TEX11: variants seen among roughly 807,000 people sequenced by gnomAD.
TEX11 encodes the protein testis-expressed protein 11.
TEX11 carries 7 observed loss-of-function variants against 84.4 expected under a neutral mutation model. The observed-to-expected ratio is 0.08, with a 90% CI of 0.05 to 0.16. TEX11 has a LOEUF of 0.16. Among genes scored for constraint, TEX11 ranks in the 10% least tolerant of loss-of-function variants. The pLI is 1.00. For missense variants in TEX11, 551 were observed against 660.5 expected, an observed-to-expected ratio of 0.83 and a Z score of 1.82; for synonymous variants, 264 against 222.8, an observed-to-expected ratio of 1.18 and a Z score of -1.64.
intron 4 of TEX11, among the ~76,000 whole-genome samples, chrX:70,866,549 G>A (rs2091600330): frequency 9.0e-6 from 1 of 111,582 alleles, no homozygotes; most frequent in African/African-American, 3.3e-5. Context: ...GATTTTATGA[G>A]GCCAGCATCA....
intron 24 of TEX11, among the ~76,000 whole-genome samples, chrX:70,597,539 A>G (rs1388825033): frequency 8.9e-6 from 1 of 112,088 alleles, no homozygotes; most frequent in Admixed American, 9.5e-5. Context: ...TCTTCAACAA[A>G]TAGTACTAGG....
chrX:70,840,167 C>T (rs1186678330), intron 7 of TEX11, among the ~76,000 whole-genome samples: 4 of 111,227 alleles, frequency 3.6e-5, no homozygotes, highest in Non-Finnish European at 7.5e-5. Context: ...AAGTCCAAGA[C>T]ACATAATTGT....
intron 8 of TEX11, among the ~76,000 whole-genome samples, chrX:70,807,153 T>G (rs973918904): frequency 1.8e-5 from 2 of 112,138 alleles, no homozygotes; most frequent in Non-Finnish European, 3.8e-5. Flanking sequence ...AAAACCCTGC[T>G]TTTGGTTGCC....
intron 18 of TEX11, 93 bp from the exon 19 acceptor site, chrX:70,625,017 A>G (rs1210822715): frequency 1.7e-6 from 1 of 597,962 alleles, no homozygotes; most frequent in Non-Finnish European, 2.5e-6. Context: ...TAAGACAAAT[A>G]TCTAAACATG....
At chrX:70,699,850 T>TA (rs1387649577) in intron 13 of TEX11, among the ~76,000 whole-genome samples, 3 of 110,243 alleles carry the variant, frequency 2.7e-5, no homozygotes, top group Admixed American at 1.9e-4. Flanking sequence ...CCACAAGTCA[T>TA]AAAAAAAGAA....
chrX:70,724,221 C>A, intron 12 of TEX11: 1 of 752,609 alleles, frequency 1.3e-6, no homozygotes, highest in Non-Finnish European at 1.6e-6. Context: ...TGTTTATTCC[C>A]CCAATGCAAA....
chrX:70,768,870 A>G (rs191877658), intron 9 of TEX11, among the ~76,000 whole-genome samples: 343 of 112,278 alleles, frequency 3.1e-3, no homozygotes, highest in Non-Finnish European at 3.7e-3. Flanking sequence ...GCCATAGTAG[A>G]TTTAACAGTT....
At chrX:70,548,169 C>CA (rs1569319908) in intron 28 of TEX11, among the ~76,000 whole-genome samples, 4 of 106,172 alleles carry the variant, frequency 3.8e-5, no homozygotes, top group South Asian at 4.4e-4. Flanking sequence ...ATCGCAAGGA[C>CA]AAAAAACCAA....
At chrX:70,732,140 G>C (rs2090657693) in intron 11 of TEX11, among the ~76,000 whole-genome samples, 1 of 111,495 alleles carries the variant, frequency 9.0e-6, no homozygotes, top group Non-Finnish European at 1.9e-5. Context: ...ATTAGGTATT[G>C]ATGGGATGTA....
At chrX:70,757,286 G>A (rs973712081) in intron 9 of TEX11, among the ~76,000 whole-genome samples, 17 of 110,973 alleles carry the variant, frequency 1.5e-4, no homozygotes, top group African/African-American at 5.6e-4. Flanking sequence ...AAAGATACTC[G>A]TTGAGAAGAG....
chrX:70,711,636 CT>C (rs1331492881), intron 13 of TEX11, among the ~76,000 whole-genome samples: 4 of 111,192 alleles, frequency 3.6e-5, no homozygotes, highest in African/African-American at 1.3e-4. Context: ...TGATGGGGTT[CT>C]TTGTTTTTTT....
chrX:70,557,742 C>G (rs930820868), intron 25 of TEX11, among the ~76,000 whole-genome samples: 1 of 111,589 alleles, frequency 9.0e-6, no homozygotes, highest in Non-Finnish European at 1.9e-5. Flanking sequence ...CAGAAACTGA[C>G]AGTTGATCTT....
In TEX11 at chrX:70,752,381, C is replaced by T. The variant is rs185264949; in HGVS notation, c.693-8162G>A. 2.8e-5 allele frequency among the ~76,000 whole-genome samples: 3 copies of T among 108,553 alleles called. No individual in the cohort carries two copies. In the East Asian group the frequency reaches 8.6e-4, roughly 31 times the overall value. The allele number at this position is 108,553 out of a possible 115,157, so 94.3% of individuals were successfully genotyped here. ...CTCTACCAAAAATACAAAAATTAGCCGGGCGTGGTGGCACAGGCCTGTAAT... is the reference window on the plus strand; with the variant it reads ...CTCTACCAAAAATACAAAAATTAGCTGGGCGTGGTGGCACAGGCCTGTAAT... On this transcript the variant is annotated intron_variant, in intron 9 of 29. Coordinates refer to ENST00000374333, the MANE Select transcript of TEX11 (RefSeq NM_031276.3).
chrX:70,781,038 T>G (rs1341785763), intron 9 of TEX11, among the ~76,000 whole-genome samples: 2 of 111,989 alleles, frequency 1.8e-5, no homozygotes, highest in East Asian at 2.8e-4. Context: ...AGCCTAAATG[T>G]GAGACACCTC....
chrX:70,672,850 G>A (rs1337814324), intron 15 of TEX11: 1 of 110,508 alleles, frequency 9.0e-6, no homozygotes, highest in Non-Finnish European at 1.9e-5. Flanking sequence ...ATTTTCTTCA[G>A]AGGATAGCTT....
intron 5 of TEX11, among the ~76,000 whole-genome samples, chrX:70,854,673 C>T (rs1346307155): frequency 2.9e-5 from 3 of 102,937 alleles, no homozygotes; most frequent in Non-Finnish European, 5.9e-5. Context: ...GAGGTGAAGG[C>T]TGCAGTGAGC....
intron 7 of TEX11, among the ~76,000 whole-genome samples, chrX:70,850,440 C>A (rs1252346219): frequency 1.8e-5 from 2 of 110,458 alleles, no homozygotes; most frequent in African/African-American, 6.6e-5. Flanking sequence ...AGCTTGTGGA[C>A]AATTAAAACA....
intron 13 of TEX11, among the ~76,000 whole-genome samples, chrX:70,692,436 C>G (rs2090243847): frequency 9.0e-6 from 1 of 110,687 alleles, no homozygotes; most frequent in Non-Finnish European, 1.9e-5. Flanking sequence ...CCCCCTCTCC[C>G]CCACCTCCCA....
intron 25 of TEX11, among the ~76,000 whole-genome samples, chrX:70,586,664 G>T (rs2030880344): frequency 8.9e-6 from 1 of 111,762 alleles, no homozygotes; most frequent in South Asian, 3.7e-4. Context: ...ATAAAAAATG[G>T]AAAACAACAA....
Sources: gnomAD v4.1 joint callset for allele counts (sites outside exome capture counted in the v4.1 genomes callset) on GRCh38, gnomAD v4.1.1 for gene constraint, MANE v1.5 for transcripts, NCBI Gene and HGNC (gene_info 2026-07-23, HGNC 2026-07-21) for gene names.